CNNM3: variants seen among roughly 807,000 people sequenced by gnomAD.
The protein encoded by CNNM3 is cyclin and CBS domain divalent metal cation transport mediator 3.
CNNM3 carries 47 observed loss-of-function variants against 57.1 expected under a neutral mutation model. The ratio of observed to expected loss-of-function variants is 0.82; its 90% CI spans 0.65 to 1.05. The LOEUF (loss-of-function observed/expected upper bound fraction) is 1.05. CNNM3 is among the 50% of genes least tolerant of loss of function. The pLI is 0.00. For missense variants in CNNM3, 957 were observed against 973.7 expected (o/e 0.98, Z 0.23); for synonymous variants, 507 against 478.2 (o/e 1.06, Z -0.79).
chr2:96,824,819 C>G (rs1277507551), intron 1 of CNNM3: 2 of 530,000 alleles, frequency 3.8e-6, no homozygotes, highest in Non-Finnish European at 6.8e-6. Flanking sequence ...GCCTGGGGGG[C>G]CTTGTGCAGA....
chr2:96,818,045 G>C (rs1248836783), intron 1 of CNNM3, among the ~76,000 whole-genome samples: 1 of 152,164 alleles, frequency 6.6e-6, no homozygotes, highest in Non-Finnish European at 1.5e-5. Context: ...CTGCGGTAAA[G>C]TCAGGGAAAC....
At chr2:96,832,261 C>G (rs949368578) in intron 7 of CNNM3, 3 of 985,274 alleles carry the variant, frequency 3.0e-6, no homozygotes, top group African/African-American at 3.5e-5. Flanking sequence ...GTGCTTCCTT[C>G]CAGCACAGGG....
chr2:96,823,327 C>T lies in CNNM3; in HGVS notation c.1226-1731C>T, dbSNP rs546841037. Among the ~76,000 whole-genome samples the T allele has an allele frequency of 6.6e-5, 10 of 152,310 alleles. No individual in the cohort carries two copies. The East Asian group carries it at 9.6e-4, about 15-fold the overall frequency. On this transcript the variant is annotated intron_variant, in intron 1 of 7. Transcript: ENST00000305510. ...GAGCCGAGATGAGGCCTCTCTGCGCCGAGGTGGCCATTTAGATCCTGGGCT... is the reference window on the plus strand; with the variant it reads ...GAGCCGAGATGAGGCCTCTCTGCGCTGAGGTGGCCATTTAGATCCTGGGCT...
rs753328913 is a variant in CNNM3, at chr2:96,817,388, G to T, written c.1111G>T (p.Val371Leu). 5.6e-6 allele frequency: 9 copies of T among 1,614,036 alleles called. No homozygotes were observed. The highest frequency in any genetic ancestry group is 6.8e-6 in the Non-Finnish European group (8 of 1,180,046). Residue 371 changes from valine (V) to leucine (L), a missense_variant, in exon 1 of 8, where the codon GTG (valine) becomes TTG (leucine). Around this residue, in one of 2 missense-constraint regions of CNNM3, gnomAD observed 491 missense variants for 570.6 expected, o/e 0.86. Coordinates refer to ENST00000305510, the MANE Select transcript of CNNM3 (RefSeq NM_017623.5). ...DMLYLKDLAF[V>L]DPEDCTPLST... ...GCTCTACCTCAAGGACTTGGCCTTC[G>T]TGGATCCCGAAGACTGCACGCCGCT...
intron 1 of CNNM3, among the ~76,000 whole-genome samples, chr2:96,819,133 T>C (rs1423775138): frequency 1.3e-5 from 2 of 152,190 alleles, no homozygotes; most frequent in Non-Finnish European, 2.9e-5. Flanking sequence ...TCTTGGGTGC[T>C]CCTGGCTGTG....
chr2:96,818,477 C>T (rs2153353442), intron 1 of CNNM3, among the ~76,000 whole-genome samples: 1 of 151,348 alleles, frequency 6.6e-6, no homozygotes, highest in East Asian at 1.9e-4. Flanking sequence ...TCTCGAACTC[C>T]TGACCTCAAG....
rs1359022333 is a variant in CNNM3, at chr2:96,816,721, A to C, written c.444A>C (p.Ala148=). ...GGGCGGCCGGGCTGCTGGCGCTGGC[A>C]GCGCTGGCGCGAGGCCTGCAGCTGA... ...GLGAAGLLAL[A]ALARGLQLSA... Residue 148 remains alanine, a synonymous_variant, in exon 1 of 8, where the codon GCA becomes GCC. Coordinates refer to ENST00000305510, the MANE Select transcript of CNNM3 (RefSeq NM_017623.5). 1.6e-5 allele frequency: 16 copies of C among 1,011,848 alleles called. No individual in the cohort carries two copies. Among genetic ancestry groups the C allele is most frequent in the South Asian group, 4.5e-5 (1 of 22,416 alleles). The allele number at this position is 1,011,848 out of a possible 1,614,324, so 62.7% of individuals were successfully genotyped here.
intron 3 of CNNM3, among the ~76,000 whole-genome samples, chr2:96,827,460 G>C (rs987961199): frequency 1.3e-5 from 2 of 151,994 alleles, no homozygotes; most frequent in Non-Finnish European, 1.5e-5. Flanking sequence ...TAGAGGCGGG[G>C]TTTTGCCATA....
Position 96,834,741 on chromosome 2 carries a change from T to C in CNNM3, c.*2125T>C, listed in dbSNP as rs1443765108. ...ACATTTATCAAAACTAAAGGTGCAA[T>C]CATACTAATAGCTAGAGTTTATTTG... On this transcript the variant is annotated 3_prime_UTR_variant, in exon 8 of 8. Transcript: ENST00000305510. Among the ~76,000 whole-genome samples, 1 of 152,206 alleles carries C rather than the reference T, an allele frequency of 6.6e-6. No homozygotes were observed. The highest frequency in any genetic ancestry group is 1.5e-5 in the Non-Finnish European group (1 of 68,038).
chr2:96,828,951 A>G (rs1367869120), intron 6 of CNNM3, 45 bp from the exon 7 acceptor site: 1 of 1,604,398 alleles, frequency 6.2e-7, no homozygotes, highest in Non-Finnish European at 8.5e-7. Context: ...TACCTTCTGC[A>G]TCTCGCTTCA....
intron 1 of CNNM3, among the ~76,000 whole-genome samples, chr2:96,817,937 T>A (rs1410943060): frequency 2.6e-5 from 4 of 152,230 alleles, no homozygotes; most frequent in African/African-American, 9.6e-5. Flanking sequence ...TGCACACATG[T>A]AATATCAAAT....
chr2:96,828,173 G>A lies in CNNM3; in HGVS notation c.1764G>A (p.Ser588=), dbSNP rs981987545. 12 of 1,613,874 alleles carry A rather than the reference G, an allele frequency of 7.4e-6. No homozygotes were observed. The highest frequency in any genetic ancestry group is 6.7e-5 in the African/African-American group (5 of 74,890). The change falls in exon 5 of 8, where the codon TCG becomes TCA. Residue 588 remains serine (S), a synonymous_variant. Transcript: ENST00000305510. ...ENGAFTYYGV[S]ALTVPSSVHQ... ...GGGCCTTCACGTACTATGGAGTGTC[G>A]GCCCTAACTGTGCCATCCTCGGGTA...
chr2:96,824,160 G>A (rs1385541001), intron 1 of CNNM3, among the ~76,000 whole-genome samples: 2 of 152,130 alleles, frequency 1.3e-5, no homozygotes, highest in African/African-American at 4.8e-5. Context: ...GCACTTATCT[G>A]AGACATAGTA....
chr2:96,817,284 G>T lies in CNNM3; in HGVS notation c.1007G>T (p.Gly336Val). 6.2e-7 allele frequency: 1 copy of T among 1,613,274 alleles called. No individual in the cohort carries two copies. Among genetic ancestry groups the T allele is most frequent in the Non-Finnish European group, 8.5e-7 (1 of 1,180,022 alleles). The change falls in exon 1 of 8, where the codon GGC (glycine) becomes GTC (valine). Residue 336 changes from glycine to valine, a missense_variant. Gly to Val is a moderately radical substitution (Grantham distance 109, BLOSUM62 -3). Transcript: ENST00000305510. ...MLDASTVLDFGVLASIMQSGH... is the reference protein window; with the variant it reads ...MLDASTVLDFVVLASIMQSGH... ...GACGCCAGCACCGTGCTGGACTTCG[G>T]CGTCCTGGCCAGCATCATGCAGAGC...
chr2:96,828,872 C>T lies in CNNM3; in HGVS notation c.1921-124C>T. On this transcript the variant is annotated intron_variant, in intron 6 of 7. Coordinates refer to ENST00000305510, the MANE Select transcript of CNNM3 (RefSeq NM_017623.5). ...CTTAAAAACACTTGACTCAGTTGCT[C>T]TTCTCTGCCCTTAACTAGCTTAAAG... 3.3e-6 allele frequency: 5 copies of T among 1,501,608 alleles called. No homozygotes were observed. In the South Asian group the frequency reaches 6.3e-5, roughly 19 times the overall value. 93.0% of individuals were successfully genotyped at this position (1,501,608 alleles called of 1,614,324 possible).
At chr2:96,823,956 G>A (rs953842476) in intron 1 of CNNM3, among the ~76,000 whole-genome samples, 1 of 152,190 alleles carries the variant, frequency 6.6e-6, no homozygotes, top group African/African-American at 2.4e-5. Context: ...TAGACAAAAT[G>A]TCTATGAATA....
rs975569050 is a variant in CNNM3 at position 96,829,200 on chromosome 2, A to G, written c.2059+66A>G. 1.2e-5 allele frequency: 19 copies of G among 1,541,748 alleles called. No homozygotes were observed. In the African/African-American group the frequency reaches 1.2e-4, roughly 10 times the overall value. ...GAGGGCCGTGAGCTCACACACACAGACTTGCACTCTCGCCGCCCCCCCACC... is the reference window on the plus strand; with the variant it reads ...GAGGGCCGTGAGCTCACACACACAGGCTTGCACTCTCGCCGCCCCCCCACC... On this transcript the variant is annotated intron_variant, in intron 7 of 7. Coordinates refer to ENST00000305510, the MANE Select transcript of CNNM3 (RefSeq NM_017623.5).
Position 96,834,306 on chromosome 2 carries a change from T to A in CNNM3, c.*1690T>A, listed in dbSNP as rs1227427744. On this transcript the variant is annotated 3_prime_UTR_variant, in exon 8 of 8. Transcript: ENST00000305510. ...GCTTGTGATTTAATCAGAGTCGGCATCAGAGTTTTCAATTTTTTATTTATT... is the reference window on the plus strand; with the variant it reads ...GCTTGTGATTTAATCAGAGTCGGCAACAGAGTTTTCAATTTTTTATTTATT... 6.6e-6 allele frequency among the ~76,000 whole-genome samples: 1 copy of A among 151,270 alleles called. No homozygotes were observed. Among genetic ancestry groups the A allele is most frequent in the Non-Finnish European group, 1.5e-5 (1 of 67,974 alleles).
chr2:96,834,277 C>T lies in CNNM3; in HGVS notation c.*1661C>T, dbSNP rs1264710759. Among the ~76,000 whole-genome samples, 1 of 151,706 alleles carries T rather than the reference C, an allele frequency of 6.6e-6. No individual in the cohort carries two copies. The highest frequency in any genetic ancestry group is 1.5e-5 in the Non-Finnish European group (1 of 67,972). On this transcript the variant is annotated 3_prime_UTR_variant, in exon 8 of 8. Transcript: ENST00000305510. The stretch of plus-strand genomic sequence containing the variant: ...AATTAAAAATACGTGGACCTGCCAC[C>T]AGAGCTTGTGATTTAATCAGAGTCG...
Sources: allele counts gnomAD v4.1 joint callset (sites outside exome capture counted in the v4.1 genomes callset), GRCh38; gene constraint gnomAD v4.1.1; regional missense constraint gnomAD v4.1.1; transcripts MANE v1.5; gene names NCBI Gene and HGNC (gene_info 2026-07-23, HGNC 2026-07-21).